Variants in SHTN1 observed in about 807,000 individuals in gnomAD.
The protein encoded by SHTN1 is shootin-1.
A neutral mutation model predicts 83.1 loss-of-function variants in SHTN1; 42 were observed. The observed-to-expected ratio is 0.51, with a 90% confidence interval of 0.39 to 0.65. The LOEUF (loss-of-function observed/expected upper bound fraction) is 0.65, where lower values mean the gene tolerates loss of function less well. SHTN1 is among the 30% of genes least tolerant of loss of function. The pLI, the probability that SHTN1 is intolerant of heterozygous loss-of-function variation, is 0.00. For missense variants in SHTN1, 622 were observed against 737.8 expected (o/e 0.84, Z 1.82); for synonymous variants, 224 against 247.7 (o/e 0.90, Z 0.90).
At chr10:117,079,280 T>C (rs1228248254) in intron 1 of SHTN1, among the ~76,000 whole-genome samples, 217 of 139,004 alleles carry the variant, frequency 1.6e-3, no homozygotes, top group African/African-American at 5.3e-3. Flanking sequence ...AGTGAGAATA[T>C]GCGGTGTTTG....
chr10:117,107,260 G>A (rs1853684362), intron 1 of SHTN1, among the ~76,000 whole-genome samples: 1 of 152,112 alleles, frequency 6.6e-6, no homozygotes, highest in Non-Finnish European at 1.5e-5. Context: ...TTTTGGGACG[G>A]TGAAGTACCC....
At chr10:116,939,463 A>G (rs1438491313) in intron 9 of SHTN1, among the ~76,000 whole-genome samples, 1 of 152,174 alleles carries the variant, frequency 6.6e-6, no homozygotes, top group Non-Finnish European at 1.5e-5. Flanking sequence ...GCAACACCCC[A>G]CCTTGCTTCA....
chr10:117,031,485 C>G (rs1163456700), intron 2 of SHTN1, among the ~76,000 whole-genome samples: 1 of 152,146 alleles, frequency 6.6e-6, no homozygotes, highest in Non-Finnish European at 1.5e-5. Flanking sequence ...AGTGTATAAA[C>G]TACTCTTATT....
chr10:116,982,952 G>C (rs1851080531), intron 1 of SHTN1, among the ~76,000 whole-genome samples: 1 of 151,180 alleles, frequency 6.6e-6, no homozygotes, highest in Admixed American at 6.6e-5. Flanking sequence ...AACAGAGCAA[G>C]ACTCTGTCTC....
At chr10:116,996,337 A>G (rs916956882) in intron 1 of SHTN1, among the ~76,000 whole-genome samples, 1 of 152,074 alleles carries the variant, frequency 6.6e-6, no homozygotes, top group African/African-American at 2.4e-5. Context: ...AACATTTCCA[A>G]TTTTTCTCCC....
At chr10:116,891,962 G>A (rs1205515215) in intron 16 of SHTN1, among the ~76,000 whole-genome samples, 10 of 152,148 alleles carry the variant, frequency 6.6e-5, no homozygotes, top group Admixed American at 6.5e-4. Context: ...GGAAAAAGTA[G>A]ATTTAATTAT....
chr10:116,899,708 T>C (rs1337821263), intron 16 of SHTN1, among the ~76,000 whole-genome samples: 1 of 152,170 alleles, frequency 6.6e-6, no homozygotes, highest in East Asian at 1.9e-4. Context: ...AAGTGTTAAC[T>C]ACTAGAATGC....
At chr10:116,978,593 AAT>A (rs568748731) in intron 2 of SHTN1, among the ~76,000 whole-genome samples, 60 of 149,412 alleles carry the variant, frequency 4.0e-4, no homozygotes, top group Admixed American at 1.3e-3. Flanking sequence ...ATTTACAAGA[AAT>A]ATATATATAT....
intron 2 of SHTN1, among the ~76,000 whole-genome samples, chr10:117,025,591 G>A (rs1852323210): frequency 6.6e-6 from 1 of 152,126 alleles, no homozygotes; most frequent in Non-Finnish European, 1.5e-5. Flanking sequence ...CTAAGGGAGT[G>A]TCAGCATCAC....
intron 1 of SHTN1, among the ~76,000 whole-genome samples, chr10:117,075,015 T>C (rs1853132401): frequency 6.6e-6 from 1 of 152,178 alleles, no homozygotes; most frequent in Non-Finnish European, 1.5e-5. Context: ...AAAGACTCTT[T>C]TGCATTTCCT....
intron 4 of SHTN1, among the ~76,000 whole-genome samples, chr10:116,958,443 T>C (rs1850061375): frequency 6.6e-6 from 1 of 152,232 alleles, no homozygotes. Flanking sequence ...CAAACAGTGT[T>C]AGGTAAGGAT....
At chr10:116,973,196 A>G (rs1850678620) in intron 2 of SHTN1, among the ~76,000 whole-genome samples, 1 of 152,200 alleles carries the variant, frequency 6.6e-6, no homozygotes, top group African/African-American at 2.4e-5. Flanking sequence ...ATACCAAGAA[A>G]TCTTTATATT....
intron 2 of SHTN1, among the ~76,000 whole-genome samples, chr10:116,977,064 CG>C (rs887489803): frequency 1.3e-5 from 2 of 152,150 alleles, no homozygotes; most frequent in Admixed American, 1.3e-4. Context: ...ACTTGCATAA[CG>C]GATGATTCAC....
intron 1 of SHTN1, among the ~76,000 whole-genome samples, chr10:117,122,342 G>A (rs1853942475): frequency 6.6e-6 from 1 of 152,042 alleles, no homozygotes; most frequent in Non-Finnish European, 1.5e-5. Context: ...ACCATACCCA[G>A]CTAACGTTTT....
intron 1 of SHTN1, among the ~76,000 whole-genome samples, chr10:117,065,864 G>A (rs1487019611): frequency 9.1e-6 from 1 of 109,354 alleles, no homozygotes; most frequent in African/African-American, 3.3e-5. Context: ...AAAGGAGGGA[G>A]GGAGGGAGGG....
At chr10:116,907,116 G>A (rs1848000013) in intron 14 of SHTN1, among the ~76,000 whole-genome samples, 1 of 152,170 alleles carries the variant, frequency 6.6e-6, no homozygotes, top group Non-Finnish European at 1.5e-5. Flanking sequence ...CACCTTAGAA[G>A]GAAATCTTTA....
At chr10:117,118,627 C>T (rs1381026863) in intron 1 of SHTN1, among the ~76,000 whole-genome samples, 2 of 152,114 alleles carry the variant, frequency 1.3e-5, no homozygotes, top group Non-Finnish European at 2.9e-5. Context: ...CTATTCAAAA[C>T]AGCCAAAACA....
chr10:117,060,124 G>C (rs1477295143), intron 1 of SHTN1, among the ~76,000 whole-genome samples: 1 of 152,026 alleles, frequency 6.6e-6, no homozygotes, highest in East Asian at 1.9e-4. Flanking sequence ...GAGGCAGGAG[G>C]ATCACTTGAG....
chr10:117,119,461 C>G (rs573695452), intron 1 of SHTN1, among the ~76,000 whole-genome samples: 282 of 152,250 alleles, frequency 1.9e-3, no homozygotes, highest in African/African-American at 6.5e-3. Context: ...CATCACTGAT[C>G]ATCAGAGAAA....
Sources: allele counts gnomAD v4.1 joint callset (sites outside exome capture counted in the v4.1 genomes callset), GRCh38; gene constraint gnomAD v4.1.1; transcripts MANE v1.5; gene names NCBI Gene and HGNC (gene_info 2026-07-23, HGNC 2026-07-21).